The following MDFIC variants were observed in gnomAD, a reference collection of about 807,000 sequenced individuals.
MDFIC encodes the protein myoD family inhibitor domain-containing protein.
In MDFIC, 17 loss-of-function variants were observed where a neutral mutation model predicts 23.2. The observed-to-expected ratio is 0.73, with a 90% CI of 0.50 to 1.10. The LOEUF (loss-of-function observed/expected upper bound fraction) is 1.10, where lower values mean the gene tolerates loss of function less well. Among genes scored for constraint, MDFIC ranks in the 50% least tolerant of loss-of-function variants. The pLI is 0.00. For missense variants in MDFIC, 356 were observed against 316.6 expected (o/e 1.12, Z -0.95); for synonymous variants, 120 against 115.2 (o/e 1.04, Z -0.27).
chr7:114,944,108 T>C (rs1417245422), intron 3 of MDFIC, among the ~76,000 whole-genome samples: 1 of 152,216 alleles, frequency 6.6e-6, no homozygotes, highest in Non-Finnish European at 1.5e-5. Flanking sequence ...CAATCTAATA[T>C]ATTGTAAATT....
chr7:114,978,642 T>C (rs1793361520), intron 3 of MDFIC, among the ~76,000 whole-genome samples: 1 of 152,066 alleles, frequency 6.6e-6, no homozygotes. Context: ...TCTTGCTACA[T>C]TTTTAGACTT....
rs1266042560 is a variant in MDFIC at position 115,019,589 on chromosome 7, C to T, written c.*3654C>T. On this transcript the variant is annotated 3_prime_UTR_variant, in exon 5 of 5. Transcript: ENST00000393486. Reference sequence around the variant, plus strand: ...AGATTTACCTAACTGCCTAATGAATCAGGTTATTTGTTAATAAGATTATTT... The same window carrying T: ...AGATTTACCTAACTGCCTAATGAATTAGGTTATTTGTTAATAAGATTATTT... Among the ~76,000 whole-genome samples the T allele has an allele frequency of 1.3e-5, 2 of 152,052 alleles. No individual in the cohort carries two copies. Among genetic ancestry groups the T allele is most frequent in the African/African-American group, 4.8e-5 (2 of 41,426 alleles).
chr7:115,013,967 T>C, intron 4 of MDFIC: 1 of 984,962 alleles, frequency 1.0e-6, no homozygotes, highest in Non-Finnish European at 1.2e-6. Flanking sequence ...GTTTTTGTTT[T>C]TGTTTTTCCA....
chr7:114,972,504 G>A (rs1793224835), intron 3 of MDFIC, among the ~76,000 whole-genome samples: 1 of 152,052 alleles, frequency 6.6e-6, no homozygotes, highest in Non-Finnish European at 1.5e-5. Flanking sequence ...TTTACATAAT[G>A]GTCTTCAAAT....
intron 4 of MDFIC, among the ~76,000 whole-genome samples, chr7:115,011,438 C>G (rs994643154): frequency 1.3e-5 from 2 of 152,078 alleles, no homozygotes; most frequent in Non-Finnish European, 2.9e-5. Context: ...TAAATACTTT[C>G]CCTGCATTGA....
chr7:115,002,852 T>C lies in MDFIC; in HGVS notation c.494-12836T>C, dbSNP rs142411700. ...TTTCTTCTGGAGAACAGTGAACATA[T>C]GTCAGTCTTTTCTGTCTAAAAATAT... On this transcript the variant is annotated intron_variant, in intron 4 of 4. Coordinates refer to ENST00000393486, the MANE Select transcript of MDFIC (RefSeq NM_001166345.3). Among the ~76,000 whole-genome samples, 47 of 152,322 alleles carry C rather than the reference T, an allele frequency of 3.1e-4. No homozygotes were observed. In the East Asian group the frequency reaches 7.9e-3, roughly 26 times the overall value.
chr7:114,926,932 C>A (rs1473238766), intron 2 of MDFIC, among the ~76,000 whole-genome samples: 1 of 152,160 alleles, frequency 6.6e-6, no homozygotes, highest in Admixed American at 6.5e-5. Context: ...TGAACAGCTT[C>A]TAATCCTGGT....
At chr7:115,013,835 C>T (rs139737721) in intron 4 of MDFIC, 17 of 252,264 alleles carry the variant, frequency 6.7e-5, no homozygotes, top group South Asian at 1.5e-4. Context: ...AAATCCAGAA[C>T]GTTGTAAGGT....
intron 3 of MDFIC, among the ~76,000 whole-genome samples, chr7:114,948,456 C>A (rs957662021): frequency 6.6e-6 from 1 of 151,904 alleles, no homozygotes; most frequent in Non-Finnish European, 1.5e-5. Flanking sequence ...TTTTTTGCAT[C>A]CGATGTTCCT....
chr7:114,969,047 A>G (rs1263546268), intron 3 of MDFIC, among the ~76,000 whole-genome samples: 2 of 152,186 alleles, frequency 1.3e-5, no homozygotes, highest in African/African-American at 4.8e-5. Flanking sequence ...CAGTTACGAA[A>G]TTTGACTTTG....
intron 3 of MDFIC, among the ~76,000 whole-genome samples, chr7:114,972,092 C>T (rs1793216824): frequency 6.6e-6 from 1 of 152,010 alleles, no homozygotes; most frequent in African/African-American, 2.4e-5. Context: ...GAGGATCTGT[C>T]ATTTCTCTCA....
chr7:114,939,567 G>A (rs1221057526), intron 2 of MDFIC, among the ~76,000 whole-genome samples: 1 of 152,088 alleles, frequency 6.6e-6, no homozygotes, highest in Non-Finnish European at 1.5e-5. Context: ...ACAATTTAGA[G>A]CAGGAAGAAC....
At chr7:114,926,768 A>C (rs1792199025) in intron 2 of MDFIC, among the ~76,000 whole-genome samples, 1 of 152,204 alleles carries the variant, frequency 6.6e-6, no homozygotes, top group African/African-American at 2.4e-5. Flanking sequence ...CTGAGTTGTC[A>C]GTAGTTTATA....
At chr7:115,011,530 G>C (rs556476322) in intron 4 of MDFIC, among the ~76,000 whole-genome samples, 1 of 152,270 alleles carries the variant, frequency 6.6e-6, no homozygotes, top group Non-Finnish European at 1.5e-5. Flanking sequence ...AGATAAGTTA[G>C]CAAAGGAGTG....
At chr7:114,994,340 C>T (rs1022479057) in intron 4 of MDFIC, among the ~76,000 whole-genome samples, 6 of 152,080 alleles carry the variant, frequency 3.9e-5, no homozygotes, top group Non-Finnish European at 8.8e-5. Flanking sequence ...GAGCATTTAG[C>T]CCATTTACAT....
chr7:115,014,090 G>T, intron 4 of MDFIC: 1 of 985,362 alleles, frequency 1.0e-6, no homozygotes, highest in South Asian at 4.7e-5. Context: ...AGTACTCTCT[G>T]ACCCTTCCTC....
At chr7:114,952,382 C>G (rs1792794892) in intron 3 of MDFIC, among the ~76,000 whole-genome samples, 1 of 151,904 alleles carries the variant, frequency 6.6e-6, no homozygotes, top group East Asian at 1.9e-4. Context: ...AAATCCCTCT[C>G]TAGCAAGCTG....
chr7:114,939,069 G>A (rs549902267), intron 2 of MDFIC, among the ~76,000 whole-genome samples: 1 of 152,140 alleles, frequency 6.6e-6, no homozygotes, highest in South Asian at 2.1e-4. Flanking sequence ...CCTCTTCAGA[G>A]CATTTCTTCA....
At chr7:115,006,712 TTAC>T (rs1351068178) in intron 4 of MDFIC, among the ~76,000 whole-genome samples, 3 of 152,336 alleles carry the variant, frequency 2.0e-5, no homozygotes, top group Non-Finnish European at 4.4e-5. Flanking sequence ...ACTAGACGAT[TTAC>T]TTGCATGTAT....
Sources: gnomAD v4.1 joint callset for allele counts (sites outside exome capture counted in the v4.1 genomes callset) on GRCh38, gnomAD v4.1.1 for gene constraint, MANE v1.5 for transcripts, NCBI Gene and HGNC (gene_info 2026-07-23, HGNC 2026-07-21) for gene names.